LPIN1: variants seen among roughly 807,000 people sequenced by gnomAD.
LPIN1 encodes phosphatidate phosphatase LPIN1.
In LPIN1, 71 loss-of-function variants were observed where a neutral mutation model predicts 107.5. The ratio of observed to expected loss-of-function variants is 0.66; its 90% CI spans 0.55 to 0.80. The LOEUF is 0.80. LPIN1 is among the 30% of genes least tolerant of loss of function. LPIN1 has a pLI of 0.00. For missense variants in LPIN1, 1,043 were observed against 1,160.6 expected (o/e 0.90, Z 1.47); for synonymous variants, 445 against 452.6 (o/e 0.98, Z 0.21).
rs943175098 is a variant in LPIN1, at chr2:11,751,088, A to G, written c.-10+4417A>G. 7.2e-5 allele frequency among the ~76,000 whole-genome samples: 11 copies of G among 152,320 alleles called. 1 individual carries two copies. The highest frequency in any genetic ancestry group is 2.0e-4 in the Admixed American group (3 of 15,302). Reference sequence around the variant, plus strand: ...TTGCTCAGCATAGTTGTCATACCATATTTAGATGTCTACACCCACCTTTAT... The same window carrying G: ...TTGCTCAGCATAGTTGTCATACCATGTTTAGATGTCTACACCCACCTTTAT... On this transcript the variant is annotated intron_variant, in intron 1 of 20. Transcript: ENST00000674199.
At chr2:11,769,757 C>G (rs1048671997) in intron 3 of LPIN1, among the ~76,000 whole-genome samples, 2 of 152,154 alleles carry the variant, frequency 1.3e-5, no homozygotes, top group Admixed American at 1.3e-4. Context: ...CTCTTTTGTT[C>G]ACAGATGAAG....
chr2:11,735,672 G>A (rs1665724739), intron 1 of LPIN1, among the ~76,000 whole-genome samples: 1 of 152,168 alleles, frequency 6.6e-6, no homozygotes, highest in Admixed American at 6.5e-5. Context: ...CCAACCCCAG[G>A]TTCTAGGTCA....
At chr2:11,694,102 G>A (rs1007777226) in intron 1 of LPIN1, among the ~76,000 whole-genome samples, 19 of 151,834 alleles carry the variant, frequency 1.3e-4, no homozygotes, top group African/African-American at 4.1e-4. Flanking sequence ...CCAAAGTGCT[G>A]GGATTACATG....
At chr2:11,698,177 A>T (rs1662684093) in intron 1 of LPIN1, among the ~76,000 whole-genome samples, 1 of 152,146 alleles carries the variant, frequency 6.6e-6, no homozygotes, top group African/African-American at 2.4e-5. Context: ...ACTTGACGTC[A>T]TGGCAAGCCC....
chr2:11,739,009 A>G (rs975912763), intron 1 of LPIN1, among the ~76,000 whole-genome samples: 4 of 152,182 alleles, frequency 2.6e-5, no homozygotes, highest in Admixed American at 2.6e-4. Context: ...AGGCGCCTAC[A>G]CCTACCTCCC....
At chr2:11,745,711 A>G (rs1666831961), upstream of LPIN1, among the ~76,000 whole-genome samples, 1 of 152,202 alleles carries the variant, frequency 6.6e-6, no homozygotes, top group African/African-American at 2.4e-5. Context: ...CCCTGTCTCA[A>G]AAAGAATTGG....
intron 1 of LPIN1, among the ~76,000 whole-genome samples, chr2:11,762,548 G>T (rs1437831443): frequency 2.0e-5 from 3 of 152,074 alleles, no homozygotes; most frequent in Admixed American, 6.5e-5. Context: ...TTAAACTTTG[G>T]TGTGGGTGAA....
chr2:11,744,485 C>T (rs79700378), upstream of LPIN1, among the ~76,000 whole-genome samples: 3,583 of 152,340 alleles, frequency 0.024, 130 homozygotes, highest in African/African-American at 0.082. Context: ...GGCTGGGCAG[C>T]AGCGGGACCT....
At chr2:11,797,131 T>A (rs1357627694) in intron 14 of LPIN1, among the ~76,000 whole-genome samples, 1 of 152,254 alleles carries the variant, frequency 6.6e-6, no homozygotes, top group African/African-American at 2.4e-5. Flanking sequence ...CCCGCTTTCC[T>A]GGAATTCATT....
intron 13 of LPIN1, 81 bp downstream of exon 13, chr2:11,792,087 T>A: frequency 8.3e-7 from 1 of 1,204,248 alleles, no homozygotes; most frequent in Non-Finnish European, 1.2e-6. Context: ...TGTACTTACA[T>A]CAGAGAAATG....
intron 17 of LPIN1, among the ~76,000 whole-genome samples, chr2:11,814,275 C>T (rs1288247566): frequency 6.6e-6 from 1 of 152,046 alleles, no homozygotes; most frequent in African/African-American, 2.4e-5. Context: ...TCCATTCCTA[C>T]AAGAATTGAG....
chr2:11,796,857 C>T (rs759920829), intron 14 of LPIN1, among the ~76,000 whole-genome samples: 11 of 152,132 alleles, frequency 7.2e-5, no homozygotes, highest in East Asian at 1.9e-4. Flanking sequence ...CAAGCTGTAG[C>T]GGAAGCAGTC....
intron 1 of LPIN1, among the ~76,000 whole-genome samples, chr2:11,686,306 T>G (rs1373664190): frequency 6.6e-6 from 1 of 152,084 alleles, no homozygotes; most frequent in Non-Finnish European, 1.5e-5. Flanking sequence ...GGCTGTCCCT[T>G]TGAGAAAGCC....
In LPIN1 at chr2:11,765,014, G is replaced by A. The variant is rs1670557509; in HGVS notation, c.-9-519G>A. On this transcript the variant is annotated intron_variant, in intron 1 of 20. Coordinates refer to ENST00000674199, the MANE Select transcript of LPIN1 (RefSeq NM_001349206.2). The surrounding 1 kb of genome is among the most constrained non-coding windows in gnomAD (Gnocchi z 4.4). ...GTGGGCTTGCTGTGGGAGTTGGGGT[G>A]ATAGGCCGTGATGGGCCATGATGGG... Among the ~76,000 whole-genome samples, 1 of 152,222 alleles carries A rather than the reference G, an allele frequency of 6.6e-6. No homozygotes were observed. Among genetic ancestry groups the A allele is most frequent in the Admixed American group, 6.5e-5 (1 of 15,286 alleles).
chr2:11,788,486 A>G (rs1314693841), intron 12 of LPIN1, 30 bp downstream of exon 12: 1 of 1,536,082 alleles, frequency 6.5e-7, no homozygotes, highest in Non-Finnish European at 9.0e-7. Flanking sequence ...AGAAAAGGGG[A>G]TGCTAGAAAT....
At chr2:11,789,508 GCATGTATGTGTGGATGTGCA>G (rs1351071257) in intron 12 of LPIN1, among the ~76,000 whole-genome samples, 2 of 151,210 alleles carry the variant, frequency 1.3e-5, no homozygotes, top group Non-Finnish European at 3.0e-5. Context: ...GTGCGCGTGT[GCATGTATGTGTGGATGTGCA>G]CATGTGTGCG....
intron 3 of LPIN1, among the ~76,000 whole-genome samples, 199 bp downstream of exon 3, chr2:11,768,057 G>A (rs566555718): frequency 6.7e-4 from 102 of 152,264 alleles, no homozygotes; most frequent in African/African-American, 2.4e-3. Context: ...CACAGACTCA[G>A]CTCTCCTGGC....
At chr2:11,800,287 G>A (rs1677472336) in intron 14 of LPIN1, among the ~76,000 whole-genome samples, 1 of 152,214 alleles carries the variant, frequency 6.6e-6, no homozygotes, top group African/African-American at 2.4e-5. Flanking sequence ...GCTCATTCTA[G>A]GACTGGAAGG....
Position 11,795,417 on chromosome 2 carries a change from C to A in LPIN1, c.1816C>A (p.Pro606Thr). ...TTTTCTTCTTTTCTAGGAAAGTAAG[C>A]CAGAGCAGTGCTTGGCTGGCAAGGC... ...RNTTIKEESK[P>T]EQCLAGKAHS... Residue 606 changes from proline (P) to threonine (T), a missense_variant, in exon 14 of 21, where the codon CCA becomes ACA. Physicochemically the swap from Pro to Thr is conservative, Grantham distance 38. Transcript: ENST00000674199. 2 of 1,613,808 alleles carry A rather than the reference C, an allele frequency of 1.2e-6. No individual in the cohort carries two copies. Among genetic ancestry groups the A allele is most frequent in the Non-Finnish European group, 1.7e-6 (2 of 1,179,824 alleles).
Sources: gnomAD v4.1 joint callset for allele counts (sites outside exome capture counted in the v4.1 genomes callset) on GRCh38, gnomAD v4.1.1 for gene constraint, Gnocchi (gnomAD v3.1) non-coding constraint, MANE v1.5 for transcripts, NCBI Gene and HGNC (gene_info 2026-07-23, HGNC 2026-07-21) for gene names.